Variants in TSBP1 observed in about 807,000 individuals in gnomAD.
TSBP1 encodes the protein testis expressed basic protein 1.
In TSBP1, 56 loss-of-function variants were observed where a neutral mutation model predicts 68.8. The observed-to-expected ratio is 0.81, with a 90% CI of 0.66 to 1.02. TSBP1 has a LOEUF of 1.02. TSBP1 is among the 50% of genes least tolerant of loss of function. TSBP1 has a pLI of 0.00. For synonymous variants in TSBP1, 171 were observed against 208.7 expected (o/e 0.82, Z 1.56); for missense variants, 502 against 641.2 (o/e 0.78, Z 2.34).
rs555569712 is a variant in TSBP1, at chr6:32,323,157, T to C, written c.539-20A>G. 4.0e-6 allele frequency: 6 copies of C among 1,506,352 alleles called. No individual in the cohort carries two copies. The highest frequency in any genetic ancestry group is 1.1e-5 in the South Asian group (1 of 87,014). 93.3% of individuals were successfully genotyped at this position (1,506,352 alleles called of 1,614,324 possible). On this transcript the variant is annotated intron_variant, in intron 17 of 22. Transcript: ENST00000612031. Reference sequence around the variant, plus strand: ...GTGGACCTAAAAACCAAAGTAGATATTGGTGAAGATTTCTTTGAAAGAAAC... The same window carrying C: ...GTGGACCTAAAAACCAAAGTAGATACTGGTGAAGATTTCTTTGAAAGAAAC...
intron 18 of TSBP1, among the ~76,000 whole-genome samples, chr6:32,322,882 CTT>C (rs1767784887): frequency 6.6e-6 from 1 of 151,292 alleles, no homozygotes; most frequent in Non-Finnish European, 1.5e-5. Flanking sequence ...CTCTCTCTCT[CTT>C]TCTCTCTCCA....
chr6:32,339,422 C>A (rs1770076080), intron 10 of TSBP1, 178 bp downstream of exon 11: 1 of 709,412 alleles, frequency 1.4e-6, no homozygotes, highest in Non-Finnish European at 2.7e-6. Context: ...CTCCTTTCCT[C>A]CATCTTTATG....
At chr6:32,326,662 A>C (rs547043012) in intron 16 of TSBP1, among the ~76,000 whole-genome samples, 6 of 152,236 alleles carry the variant, frequency 3.9e-5, no homozygotes, top group Non-Finnish European at 7.3e-5. Flanking sequence ...TTACAAGAGG[A>C]TCCTGTAGCT....
chr6:32,324,658 A>T (rs1768017848), intron 16 of TSBP1: 2 of 1,550,824 alleles, frequency 1.3e-6, no homozygotes, highest in Non-Finnish European at 1.7e-6. Flanking sequence ...AGACTTACTG[A>T]TTGTGTGAGG....
chr6:32,365,798 C>A lies in TSBP1; in HGVS notation c.217+369G>T. ...GTTCTAGGATTTTATAACCTGACAG[C>A]GTGCTGGAACTTCTCTGCTGGACTC... On this transcript the variant is annotated intron_variant, in intron 6 of 22. Transcript: ENST00000612031. The surrounding 1 kb of genome is among the most constrained non-coding windows in gnomAD (Gnocchi z 4.3). 2.5e-6 allele frequency: 1 copy of A among 404,554 alleles called. No homozygotes were observed. Among genetic ancestry groups the A allele is most frequent in the South Asian group, 1.9e-5 (1 of 53,312 alleles). 25.1% of individuals were successfully genotyped at this position (404,554 alleles called of 1,614,324 possible).
intron 19 of TSBP1, among the ~76,000 whole-genome samples, chr6:32,312,105 A>C (rs1766465802): frequency 6.6e-6 from 1 of 152,020 alleles, no homozygotes; most frequent in East Asian, 1.9e-4. Context: ...TAGAGTCAGT[A>C]CTCCCACATC....
At position 32,297,115 on chromosome 6, in the gene TSBP1, A is replaced by G. The variant is rs370056495; in HGVS notation, c.637+2807T>C. Among the ~76,000 whole-genome samples, 148 of 152,252 alleles carry G rather than the reference A, an allele frequency of 9.7e-4. 2 individuals are homozygous for G. The highest frequency in any genetic ancestry group is 6.8e-3 in the Middle Eastern group (2 of 294). Reference sequence around the variant, plus strand: ...CTTTGCATTGCAGAAGTAAGCCACAAATCATTATTCCACCACATTCTAAGT... The same window carrying G: ...CTTTGCATTGCAGAAGTAAGCCACAGATCATTATTCCACCACATTCTAAGT... On this transcript the variant is annotated intron_variant, in intron 22 of 22. Transcript: ENST00000612031.
chr6:32,326,630 T>C (rs1768248022), intron 16 of TSBP1, among the ~76,000 whole-genome samples: 1 of 152,218 alleles, frequency 6.6e-6, no homozygotes, highest in African/African-American at 2.4e-5. Flanking sequence ...TGAGTTTCAC[T>C]CATGAAGGGA....
intron 21 of TSBP1, 111 bp from the exon 25 acceptor site, chr6:32,300,047 C>T (rs1765124182): frequency 2.5e-6 from 2 of 809,262 alleles, no homozygotes; most frequent in East Asian, 6.0e-5. Flanking sequence ...TTGGAGGGAG[C>T]ACAAAACTCT....
At position 32,325,408 on chromosome 6, in the gene TSBP1, C is replaced by A; in HGVS notation, c.515-1794G>T. On this transcript the variant is annotated intron_variant, in intron 16 of 22. Coordinates refer to ENST00000612031, the Ensembl canonical transcript of TSBP1. The surrounding 1 kb of genome is among the most constrained non-coding windows in gnomAD (Gnocchi z 4.4). ...GGCTTTGGATTTTTCACATATGCCA[C>A]TGTGGAGGAGGTGGATGCAGCCGTG... 1 of 937,310 alleles carries A rather than the reference C, an allele frequency of 1.1e-6. No homozygotes were observed. The highest frequency in any genetic ancestry group is 1.7e-6 in the Non-Finnish European group (1 of 578,718). 58.1% of individuals were successfully genotyped at this position (937,310 alleles called of 1,614,324 possible). A position where few individuals can be genotyped will look rare whatever the true frequency, so the allele number is the denominator to read the frequency against.
At chr6:32,331,484 T>A (rs1769010659) in intron 15 of TSBP1, among the ~76,000 whole-genome samples, 1 of 152,192 alleles carries the variant, frequency 6.6e-6, no homozygotes, top group Non-Finnish European at 1.5e-5. Context: ...CTCCAGCAAT[T>A]TGAAGACCTT....
intron 16 of TSBP1, among the ~76,000 whole-genome samples, chr6:32,330,106 A>G (rs1768781903): frequency 6.6e-6 from 1 of 152,146 alleles, no homozygotes; most frequent in Non-Finnish European, 1.5e-5. Context: ...GAGGAAAGAG[A>G]AAGGCCTTTG....
At chr6:32,354,824 TA>T (rs1382877409) in intron 8 of TSBP1, among the ~76,000 whole-genome samples, 1 of 152,000 alleles carries the variant, frequency 6.6e-6, no homozygotes, top group East Asian at 1.9e-4. Context: ...AATTAAACAT[TA>T]AAAAAAGATA....
chr6:32,318,836 G>A (rs114806638), intron 18 of TSBP1, among the ~76,000 whole-genome samples: 5,952 of 152,164 alleles, frequency 0.039, 332 homozygotes, highest in African/African-American at 0.12. Context: ...ATTCATTGTG[G>A]TGATGGTTGC....
At chr6:32,299,602 G>A (rs1471835282) in intron 22 of TSBP1, among the ~76,000 whole-genome samples, 1 of 152,168 alleles carries the variant, frequency 6.6e-6, no homozygotes, top group Non-Finnish European at 1.5e-5. Flanking sequence ...CTTCTCTACA[G>A]CAATCTCTTA....
At chr6:32,366,762 C>CAAAA (rs9257084) in intron 4 of TSBP1, among the ~76,000 whole-genome samples, 10,657 of 77,256 alleles carry the variant, frequency 0.14, 1,682 homozygotes, top group Non-Finnish European at 0.16. Context: ...GACTCCGTCT[C>CAAAA]AAAAAAAAAA....
chr6:32,332,597 T>G (rs1076711), intron 14 of TSBP1, among the ~76,000 whole-genome samples: 51,129 of 135,226 alleles, frequency 0.38, 9,657 homozygotes, highest in Middle Eastern at 0.53. Context: ...AAACCTTCTG[T>G]TTTTTTTTGT....
chr6:32,327,553 T>A (rs2127593930), intron 16 of TSBP1, among the ~76,000 whole-genome samples: 1 of 152,324 alleles, frequency 6.6e-6, no homozygotes, highest in East Asian at 1.9e-4. Flanking sequence ...GCTTTGTTCT[T>A]CCTTCTCATT....
At chr6:32,344,118 T>C (rs1770687721) in intron 9 of TSBP1, among the ~76,000 whole-genome samples, 1 of 151,622 alleles carries the variant, frequency 6.6e-6, no homozygotes, top group South Asian at 2.1e-4. Flanking sequence ...ATTTTATTAT[T>C]ATTGTACTTT....
Sources: allele counts gnomAD v4.1 joint callset (sites outside exome capture counted in the v4.1 genomes callset), GRCh38; gene constraint gnomAD v4.1.1; non-coding constraint Gnocchi (gnomAD v3.1); transcripts MANE v1.5; gene names NCBI Gene and HGNC (gene_info 2026-07-23, HGNC 2026-07-21).